GATAD1: variants seen among roughly 807,000 people sequenced by gnomAD.
The protein encoded by GATAD1 is GATA zinc finger domain-containing protein 1.
In GATAD1, 12 loss-of-function variants were observed where a neutral mutation model predicts 26.5. That is an observed-to-expected ratio of 0.45 (90% CI 0.29 to 0.73). The LOEUF is 0.73. Among genes scored for constraint, GATAD1 ranks in the 30% least tolerant of loss-of-function variants. GATAD1 has a pLI of 0.10. For synonymous variants in GATAD1, 129 were observed against 133.1 expected (o/e 0.97, Z 0.21); for missense variants, 266 against 342.1 (o/e 0.78, Z 1.75).
the GATAD1 span, among the ~76,000 whole-genome samples, chr7:92,467,088 C>CAGGT: frequency 6.6e-6 from 1 of 151,926 alleles, no homozygotes; most frequent in Non-Finnish European, 1.5e-5. Flanking sequence ...GAGGCCAAGG[C>CAGGT]AGGTGGATCA....
rs1022734918 is a variant in GATAD1, at chr7:92,459,207, C to T, written c.*2645C>T. On this transcript the variant is annotated 3_prime_UTR_variant, in exon 5 of 5. Coordinates refer to ENST00000287957, the MANE Select transcript of GATAD1 (RefSeq NM_021167.5). ...CGCCACTGCACTCCAGTCTGGGTGA[C>T]GGCATGACTCCATCTCCAAAAAAAA... is the stretch of plus-strand genomic sequence containing the variant. The T allele has an allele frequency of 9.6e-5, 14 of 146,242 alleles. No homozygotes were observed. The highest frequency in any genetic ancestry group is 1.5e-4 in the Non-Finnish European group (10 of 67,070). The allele number at this position is 146,242 out of a possible 1,614,324, so 9.1% of individuals were successfully genotyped here. A position where few individuals can be genotyped will look rare whatever the true frequency, so the allele number is the denominator to read the frequency against.
chr7:92,482,710 A>G, the GATAD1 span, among the ~76,000 whole-genome samples: 2 of 152,134 alleles, frequency 1.3e-5, no homozygotes, highest in Non-Finnish European at 2.9e-5. Flanking sequence ...ATGTGGCTGT[A>G]GCCCAGGAAT....
chr7:92,472,319 A>G, the GATAD1 span: 1 of 152,190 alleles, frequency 6.6e-6, no homozygotes, highest in South Asian at 2.1e-4. Context: ...ATGTCCACAC[A>G]GTAAGATCTC....
the GATAD1 span, chr7:92,494,066 A>G: frequency 1.2e-5 from 6 of 497,794 alleles, no homozygotes; most frequent in Admixed American, 6.7e-5. Context: ...TTTTTCCCCA[A>G]TCAGCCAACA....
At chr7:92,494,433 A>T in the GATAD1 span, 1 of 1,610,928 alleles carries the variant, frequency 6.2e-7, no homozygotes, top group Non-Finnish European at 8.5e-7. Flanking sequence ...CCAAAATCTG[A>T]TGACATGATG....
Position 92,454,540 on chromosome 7 carries a change from T to C in GATAD1, c.474T>C (p.Ile158=), listed in dbSNP as rs1056705241. Residue 158 remains isoleucine (I), a synonymous_variant, in exon 4 of 5, where the codon ATT becomes ATC. Transcript: ENST00000287957. ...YYQIGDVVSV[I]DEQDGKPYYA... ...AAATTGGTGATGTTGTTTCTGTGATTGATGAACAAGATGGAAAGCCCTACT... is the reference window on the plus strand; with the variant it reads ...AAATTGGTGATGTTGTTTCTGTGATCGATGAACAAGATGGAAAGCCCTACT... 3 of 1,612,990 alleles carry C rather than the reference T, an allele frequency of 1.9e-6. No individual in the cohort carries two copies. Among genetic ancestry groups the C allele is most frequent in the Non-Finnish European group, 2.5e-6 (3 of 1,178,978 alleles).
chr7:92,479,547 G>A, the GATAD1 span, among the ~76,000 whole-genome samples: 1 of 152,198 alleles, frequency 6.6e-6, no homozygotes, highest in African/African-American at 2.4e-5. Flanking sequence ...TATATGTGCA[G>A]GTCACAGGGG....
At chr7:92,486,014 T>G in the GATAD1 span, among the ~76,000 whole-genome samples, 1 of 152,224 alleles carries the variant, frequency 6.6e-6, no homozygotes. Flanking sequence ...ATGACCTCTG[T>G]ATGGATGTCA....
chr7:92,466,275 T>G, the GATAD1 span, among the ~76,000 whole-genome samples: 1 of 152,126 alleles, frequency 6.6e-6, no homozygotes, highest in Non-Finnish European at 1.5e-5. Flanking sequence ...CAAGTGATCC[T>G]CCTACCTCAG....
downstream of GATAD1, among the ~76,000 whole-genome samples, chr7:92,462,304 A>G (rs1014060669): frequency 6.6e-6 from 1 of 151,920 alleles, no homozygotes; most frequent in Non-Finnish European, 1.5e-5. Context: ...TAATAACGCA[A>G]AAAAAAGTTT....
At chr7:92,473,273 C>G in the GATAD1 span, 1 of 152,170 alleles carries the variant, frequency 6.6e-6, no homozygotes, top group Non-Finnish European at 1.5e-5. Flanking sequence ...CTAACCTCCA[C>G]TGTCTGTTGG....
At chr7:92,449,913 G>A (rs1789351343) in intron 2 of GATAD1, 1 of 151,930 alleles carries the variant, frequency 6.6e-6, no homozygotes, top group Non-Finnish European at 1.5e-5. Flanking sequence ...CTTCCCCAAA[G>A]TATTTTCTTA....
the GATAD1 span, chr7:92,492,891 T>C: frequency 7.7e-7 from 1 of 1,300,784 alleles, no homozygotes; most frequent in African/African-American, 1.5e-5. Flanking sequence ...AGGTGGAAAT[T>C]TTGACATTGT....
chr7:92,471,708 C>G, the GATAD1 span: 72 of 152,254 alleles, frequency 4.7e-4, no homozygotes, highest in African/African-American at 1.7e-3. Context: ...TTTCTGATGA[C>G]CCCGGCAGTG....
In GATAD1 at chr7:92,456,644, GC is replaced by G. The variant is rs2115886657; in HGVS notation, c.*83del. ...CAGCTATTGCACCACTGCTCTCCAAGCTGGGCAATGGAGTCAGATTCTCTTT... is the reference window on the plus strand; with the variant it reads ...CAGCTATTGCACCACTGCTCTCCAAGTGGGCAATGGAGTCAGATTCTCTTT... On this transcript the variant is annotated 3_prime_UTR_variant, in exon 5 of 5. Transcript: ENST00000287957. 2 of 778,572 alleles carry G rather than the reference GC, an allele frequency of 2.6e-6. No homozygotes were observed. The highest frequency in any genetic ancestry group is 4.1e-6 in the Non-Finnish European group (2 of 482,308). 48.2% of individuals were successfully genotyped at this position (778,572 alleles called of 1,614,324 possible).
Position 92,447,729 on chromosome 7 carries a change from C to T in GATAD1, c.-1C>T. ...CGCGGGGGCCGCCCGAGCCGGCCAC[C>T]ATGCCGCTGGGCCTGAAGCCCACCT... On this transcript the variant is annotated 5_prime_UTR_variant, in exon 1 of 5. Coordinates refer to ENST00000287957, the MANE Select transcript of GATAD1 (RefSeq NM_021167.5). The T allele has an allele frequency of 1.4e-6, 2 of 1,468,416 alleles. No individual in the cohort carries two copies. The highest frequency in any genetic ancestry group is 1.8e-6 in the Non-Finnish European group (2 of 1,109,380). 91.0% of individuals were successfully genotyped at this position (1,468,416 alleles called of 1,614,324 possible). A position where few individuals can be genotyped will look rare whatever the true frequency, so the allele number is the denominator to read the frequency against.
the GATAD1 span, chr7:92,472,835 T>G: frequency 6.6e-6 from 1 of 152,234 alleles, no homozygotes; most frequent in Non-Finnish European, 1.5e-5. Flanking sequence ...TGAGCAGAGT[T>G]GAGCCTTTGG....
chr7:92,463,175 A>T (rs1246571566), downstream of GATAD1: 1 of 152,234 alleles, frequency 6.6e-6, no homozygotes, highest in Non-Finnish European at 1.5e-5. Context: ...TGAGTTAGTT[A>T]CCTAGAATAG....
the GATAD1 span, among the ~76,000 whole-genome samples, chr7:92,465,949 GCCAAGATCGCA>G: frequency 3.6e-3 from 554 of 152,222 alleles, 2 homozygotes; most frequent in Admixed American, 6.0e-3. Flanking sequence ...GTTGCAGTGA[GCCAAGATCGCA>G]CCGTTGTACT....
Sources: allele counts gnomAD v4.1 joint callset (sites outside exome capture counted in the v4.1 genomes callset), GRCh38; gene constraint gnomAD v4.1.1; transcripts MANE v1.5; gene names NCBI Gene and HGNC (gene_info 2026-07-23, HGNC 2026-07-21).